The following CRYBG2 variants were observed in gnomAD, a reference collection of about 807,000 sequenced individuals.
The protein encoded by CRYBG2 is crystallin beta-gamma domain containing 2.
Under a neutral mutation model 153.4 loss-of-function variants are expected in CRYBG2, and 106 were observed. The observed-to-expected ratio is 0.69, with a 90% CI of 0.59 to 0.81. The LOEUF is 0.81. Among genes scored for constraint, CRYBG2 ranks in the 30% least tolerant of loss-of-function variants. The pLI, the probability that CRYBG2 is intolerant of heterozygous loss-of-function variation, is 0.00. For missense variants in CRYBG2, 1,996 were observed against 2,112.0 expected, an observed-to-expected ratio of 0.95 and a Z score of 1.08; for synonymous variants, 851 against 877.8, an observed-to-expected ratio of 0.97 and a Z score of 0.54.
Position 26,346,596 on chromosome 1 carries a change from G to A in CRYBG2, c.62C>T (p.Thr21Ile), listed in dbSNP as rs1286924295. Residue 21 changes from threonine to isoleucine, a missense_variant, in exon 2 of 20, where the codon ACA becomes ATA. Coordinates refer to ENST00000308182, the MANE Select transcript of CRYBG2 (RefSeq NM_001039775.4). The surrounding 1 kb of genome is among the most constrained non-coding windows in gnomAD (Gnocchi z 4.9). ...CTGGGTGGGGGGCCGCTGCCGCCAT[G>A]TCAATGTGGCACTTACCACTCGGGC... Reference protein sequence around the residue: ...AKARVVSATLTWRQRPPTQEE... With the variant: ...AKARVVSATLIWRQRPPTQEE... 4 of 1,589,530 alleles carry A rather than the reference G, an allele frequency of 2.5e-6. No homozygotes were observed. The Admixed American group carries it at 5.4e-5, about 21-fold the overall frequency.
At position 26,344,356 on chromosome 1, in the gene CRYBG2, G is replaced by A. The variant is rs2074174990; in HGVS notation, c.2302C>T (p.Leu768=). 6.6e-7 allele frequency: 1 copy of A among 1,508,502 alleles called. No individual in the cohort carries two copies. Among genetic ancestry groups the A allele is most frequent in the Non-Finnish European group, 8.9e-7 (1 of 1,125,708 alleles). The allele number at this position is 1,508,502 out of a possible 1,614,324, so 93.4% of individuals were successfully genotyped here. A position where few individuals can be genotyped will look rare whatever the true frequency, so the allele number is the denominator to read the frequency against. The change falls in exon 2 of 20, where the codon CTG becomes TTG. Residue 768 remains leucine (L), a synonymous_variant. Coordinates refer to ENST00000308182, the MANE Select transcript of CRYBG2 (RefSeq NM_001039775.4). ...GGCTCCATGCTCCGCAGCGTATCCA[G>A]GAATATCTCCAGGTCAGCGGCCAGG... is the stretch of plus-strand genomic sequence containing the variant. ...VALAADLEIF[L]DTLRSMEPPE... is the part of the protein sequence containing the mutation.
Position 26,336,705 on chromosome 1 carries a change from G to A in CRYBG2, c.3939C>T (p.Phe1313=). The A allele has an allele frequency of 6.3e-7, 1 of 1,576,480 alleles. No homozygotes were observed. Among genetic ancestry groups the A allele is most frequent in the Non-Finnish European group, 8.6e-7 (1 of 1,160,726 alleles). The change falls in exon 12 of 20, where the codon TTC becomes TTT. Residue 1313 remains phenylalanine (F), a synonymous_variant. Coordinates refer to ENST00000308182, the MANE Select transcript of CRYBG2 (RefSeq NM_001039775.4). The surrounding 1 kb of genome is among the most constrained non-coding windows in gnomAD (Gnocchi z 4.9). Reference sequence around the variant, plus strand: ...TCTCCAGCACGTACTGTTCCCCGGAGAAGCCCACCTCCTGGTAGGCCACCC... The same window carrying A: ...TCTCCAGCACGTACTGTTCCCCGGAAAAGCCCACCTCCTGGTAGGCCACCC... ...GVWVAYQEVG[F]SGEQYVLEKG...
In CRYBG2 at chr1:26,346,078, T is replaced by C. The variant is rs1291167985; in HGVS notation, c.580A>G (p.Ser194Gly). Reference sequence around the variant, plus strand: ...GACACTGGCCTCACAGTCACAGAGCTGCTCATCCGCCGGTCCACATGACCT... The same window carrying C: ...GACACTGGCCTCACAGTCACAGAGCCGCTCATCCGCCGGTCCACATGACCT... ...VGGHVDRRMS[S>G]SVTVRPVSSG... The change falls in exon 2 of 20, where the codon AGC (serine) becomes GGC (glycine). Residue 194 changes from serine to glycine, a missense_variant. Coordinates refer to ENST00000308182, the MANE Select transcript of CRYBG2 (RefSeq NM_001039775.4). The surrounding 1 kb of genome is among the most constrained non-coding windows in gnomAD (Gnocchi z 4.9). 2 of 1,582,110 alleles carry C rather than the reference T, an allele frequency of 1.3e-6. No homozygotes were observed. Among genetic ancestry groups the C allele is most frequent in the Non-Finnish European group, 1.7e-6 (2 of 1,169,380 alleles).
chr1:26,344,212 C>G lies in CRYBG2; in HGVS notation c.2446G>C (p.Gly816Arg). Residue 816 changes from glycine to arginine, a missense_variant, in exon 2 of 20, where the codon GGA becomes CGA. Physicochemically the swap from Gly to Arg is moderately radical, Grantham distance 125 (BLOSUM62 -2). Coordinates refer to ENST00000308182, the MANE Select transcript of CRYBG2 (RefSeq NM_001039775.4). The stretch of plus-strand genomic sequence containing the variant: ...TCCAGTGAAGGCACCTCCTGGGGTC[C>G]GGGGCCCAGCACCCATGGCCCCAGC... ...DQLGPWVLGPGPQEVPSLEEK... is the reference protein window; with the variant it reads ...DQLGPWVLGPRPQEVPSLEEK... 1 of 1,535,668 alleles carries G rather than the reference C, an allele frequency of 6.5e-7. No homozygotes were observed. Among genetic ancestry groups the G allele is most frequent in the Non-Finnish European group, 8.7e-7 (1 of 1,146,564 alleles).
chr1:26,326,472 A>T (rs1284705353), intron 17 of CRYBG2, among the ~76,000 whole-genome samples: 13 of 151,494 alleles, frequency 8.6e-5, no homozygotes, highest in African/African-American at 3.1e-4. Flanking sequence ...CGGGAGGCAG[A>T]GCTTGCAGTG....
chr1:26,336,462 G>T lies in CRYBG2; in HGVS notation c.4039-92C>A, dbSNP rs983539990. The T allele has an allele frequency of 3.9e-6, 6 of 1,554,340 alleles. No homozygotes were observed. In the African/African-American group the frequency reaches 8.2e-5, roughly 21 times the overall value. On this transcript the variant is annotated intron_variant, in intron 12 of 19. Coordinates refer to ENST00000308182, the MANE Select transcript of CRYBG2 (RefSeq NM_001039775.4). The surrounding 1 kb of genome is among the most constrained non-coding windows in gnomAD (Gnocchi z 4.9). Reference sequence around the variant, plus strand: ...TCAGTACCGTCCACCCCGCGGCCGCGCCCTCGGCCCCGCCCCCTTCTAAGG... The same window carrying T: ...TCAGTACCGTCCACCCCGCGGCCGCTCCCTCGGCCCCGCCCCCTTCTAAGG...
intron 5 of CRYBG2, among the ~76,000 whole-genome samples, chr1:26,339,741 CAAA>C (rs35587689): frequency 1.3e-3 from 187 of 143,104 alleles, no homozygotes; most frequent in Non-Finnish European, 2.2e-3. Flanking sequence ...CGTCTCAAAA[CAAA>C]AAAAAAAAAG....
In CRYBG2 at chr1:26,343,329, G is replaced by A. The variant is rs1436850112; in HGVS notation, c.2914-36C>T. 1 of 1,548,728 alleles carries A rather than the reference G, an allele frequency of 6.5e-7. No homozygotes were observed. The highest frequency in any genetic ancestry group is 2.0e-5 in the Admixed American group (1 of 50,970). On this transcript the variant is annotated intron_variant, in intron 2 of 19. Transcript: ENST00000308182. The surrounding 1 kb of genome is among the most constrained non-coding windows in gnomAD (Gnocchi z 4.1). ...GGCAGGTGATAAAGAAGTCCTGTGGGGTCACCTCTTTTCTGCCTCCCCACA... is the reference window on the plus strand; with the variant it reads ...GGCAGGTGATAAAGAAGTCCTGTGGAGTCACCTCTTTTCTGCCTCCCCACA...
chr1:26,352,809 C>T (rs4659373), intron 1 of CRYBG2, among the ~76,000 whole-genome samples: 107,500 of 147,454 alleles, frequency 0.73, 39,365 homozygotes, highest in African/African-American at 0.77. Flanking sequence ...CCTCTCTCTG[C>T]AGCCCTTGTC....
In CRYBG2 at chr1:26,344,649, G is replaced by A. The variant is rs1483444770; in HGVS notation, c.2009C>T (p.Ala670Val). ...TKEETVQGPIAPATSLPKQDK... is the reference protein window; with the variant it reads ...TKEETVQGPIVPATSLPKQDK... Reference sequence around the variant, plus strand: ...CTGTTTGGGGAGTGAGGTGGCAGGAGCAATTGGGCCTTGAACAGTCTCTTC... The same window carrying A: ...CTGTTTGGGGAGTGAGGTGGCAGGAACAATTGGGCCTTGAACAGTCTCTTC... Residue 670 changes from alanine to valine, a missense_variant, in exon 2 of 20, where the codon GCT (alanine) becomes GTT (valine). Physicochemically the swap from Ala to Val is moderately conservative, Grantham distance 64 (BLOSUM62 0). Transcript: ENST00000308182. 20 of 1,535,448 alleles carry A rather than the reference G, an allele frequency of 1.3e-5. No individual in the cohort carries two copies. In the East Asian group the frequency reaches 4.4e-4, roughly 34 times the overall value.
At chr1:26,324,844 A>C (rs1362686126) in intron 17 of CRYBG2, 1 of 152,276 alleles carries the variant, frequency 6.6e-6, no homozygotes, top group Non-Finnish European at 1.5e-5. Context: ...GACATCAGAC[A>C]TGGCTCTGCC....
At chr1:26,337,792 G>A in intron 8 of CRYBG2, 118 bp from the exon 9 acceptor site, 1 of 1,415,816 alleles carries the variant, frequency 7.1e-7, no homozygotes. Context: ...CCTCCTTGCT[G>A]AACTCCATCC....
intron 14 of CRYBG2, among the ~76,000 whole-genome samples, chr1:26,332,460 GAGAT>G (rs1343158188): frequency 6.6e-6 from 1 of 152,084 alleles, no homozygotes; most frequent in Non-Finnish European, 1.5e-5. Flanking sequence ...TTAAAAAACT[GAGAT>G]ATAATTCACA....
Position 26,328,336 on chromosome 1 carries a change from G to A in CRYBG2, c.4455-4C>T, listed in dbSNP as rs773256502. The A allele has an allele frequency of 3.2e-5, 50 of 1,567,210 alleles. No individual in the cohort carries two copies. The highest frequency in any genetic ancestry group is 4.3e-5 in the Non-Finnish European group (50 of 1,155,678). The stretch of plus-strand genomic sequence containing the variant: ...ACTGTGTTCACATAGCACCCAACTG[G>A]GCCCAGCAGGTGTCAGGGACACAGA... On this transcript the variant is annotated splice_polypyrimidine_tract_variant and splice_region_variant and intron_variant, in intron 16 of 19. Coordinates refer to ENST00000308182, the MANE Select transcript of CRYBG2 (RefSeq NM_001039775.4).
chr1:26,342,254 G>T (rs562720022), intron 5 of CRYBG2, among the ~76,000 whole-genome samples: 1 of 152,194 alleles, frequency 6.6e-6, no homozygotes, highest in South Asian at 2.1e-4. Flanking sequence ...GCTTTCCCAA[G>T]CTGAGCTTGG....
chr1:26,348,359 C>A (rs1372242192), intron 1 of CRYBG2, among the ~76,000 whole-genome samples: 2 of 152,038 alleles, frequency 1.3e-5, no homozygotes, highest in Non-Finnish European at 2.9e-5. Flanking sequence ...CAGTTCTAGA[C>A]CAGCCTAGGT....
chr1:26,343,697 C>T lies in CRYBG2; in HGVS notation c.2913+48G>A. 6.9e-7 allele frequency: 1 copy of T among 1,439,554 alleles called. No individual in the cohort carries two copies. Among genetic ancestry groups the T allele is most frequent in the Non-Finnish European group, 9.1e-7 (1 of 1,095,202 alleles). The allele number at this position is 1,439,554 out of a possible 1,614,324, so 89.2% of individuals were successfully genotyped here. A position where few individuals can be genotyped will look rare whatever the true frequency, so the allele number is the denominator to read the frequency against. The stretch of plus-strand genomic sequence containing the variant: ...TCTCTTCACACCACTCAAGCCTTGA[C>T]CCAGGTGAGGCCAGGCACCTCCCTT... On this transcript the variant is annotated intron_variant, in intron 2 of 19. Coordinates refer to ENST00000308182, the MANE Select transcript of CRYBG2 (RefSeq NM_001039775.4). The surrounding 1 kb of genome is among the most constrained non-coding windows in gnomAD (Gnocchi z 4.1).
At chr1:26,329,003 AG>A (rs1289732204) in intron 15 of CRYBG2, 130 bp from the exon 16 acceptor site, 12 of 1,147,670 alleles carry the variant, frequency 1.0e-5, no homozygotes, top group Non-Finnish European at 1.1e-5. Flanking sequence ...TCAGTTCTGC[AG>A]GGCCACTGAT....
chr1:26,339,164 C>T lies in CRYBG2; in HGVS notation c.3344+126G>A, dbSNP rs369094544. The T allele has an allele frequency of 9.0e-5, 112 of 1,238,896 alleles. No homozygotes were observed. In the African/African-American group the frequency reaches 1.5e-3, roughly 17 times the overall value. 76.7% of individuals were successfully genotyped at this position (1,238,896 alleles called of 1,614,324 possible). Reference sequence around the variant, plus strand: ...ACACTGAATTGCTATTGTCTGCTTACTTGCCTGTCCCCACCAGTGGACTGA... The same window carrying T: ...ACACTGAATTGCTATTGTCTGCTTATTTGCCTGTCCCCACCAGTGGACTGA... On this transcript the variant is annotated intron_variant, in intron 6 of 19. Transcript: ENST00000308182.
Sources: gnomAD v4.1 joint callset for allele counts (sites outside exome capture counted in the v4.1 genomes callset) on GRCh38, gnomAD v4.1.1 for gene constraint, Gnocchi (gnomAD v3.1) non-coding constraint, MANE v1.5 for transcripts, NCBI Gene and HGNC (gene_info 2026-07-23, HGNC 2026-07-21) for gene names.